Variants in ASB7 observed in about 807,000 individuals in gnomAD.
ASB7 encodes ankyrin repeat and SOCS box protein 7.
A neutral mutation model predicts 32.5 loss-of-function variants in ASB7; 4 were observed. That is an observed-to-expected ratio of 0.12 (90% CI 0.06 to 0.28). The LOEUF (loss-of-function observed/expected upper bound fraction) is 0.28. Ranked by LOEUF, ASB7 falls within the 10% of genes least tolerant of loss-of-function variation. The pLI is 1.00. For missense variants in ASB7, 181 were observed against 407.1 expected, an observed-to-expected ratio of 0.44 and a Z score of 4.78; for synonymous variants, 172 against 155.6, an observed-to-expected ratio of 1.11 and a Z score of -0.78.
At chr15:100,623,831 G>T (rs2039813391) in intron 4 of ASB7, among the ~76,000 whole-genome samples, 1 of 152,186 alleles carries the variant, frequency 6.6e-6, no homozygotes. Context: ...TAATCCAGCA[G>T]TCCCACTACT....
chr15:100,630,121 TA>T, intron 5 of ASB7, 79 bp downstream of exon 5: 1 of 1,424,946 alleles, frequency 7.0e-7, no homozygotes, highest in Non-Finnish European at 9.2e-7. Flanking sequence ...TTTTGCAACT[TA>T]AGATGACTAG....
intron 2 of ASB7, among the ~76,000 whole-genome samples, chr15:100,604,070 A>C (rs1161272979): frequency 2.0e-5 from 3 of 152,220 alleles, no homozygotes; most frequent in African/African-American, 7.2e-5. Flanking sequence ...ACAATATCTT[A>C]TTAATCGTTT....
intron 4 of ASB7, 81 bp downstream of exon 4, chr15:100,612,508 T>G: frequency 1.6e-6 from 2 of 1,287,998 alleles, no homozygotes; most frequent in Non-Finnish European, 2.3e-6. Context: ...ATTTGTAATT[T>G]TTAATGCTTC....
intron 4 of ASB7, among the ~76,000 whole-genome samples, chr15:100,619,228 G>A (rs554853539): frequency 6.6e-6 from 1 of 152,350 alleles, no homozygotes; most frequent in South Asian, 2.1e-4. Flanking sequence ...CAACTCAGGG[G>A]GCACTGCGTG....
chr15:100,614,815 A>C (rs193295285), intron 4 of ASB7, among the ~76,000 whole-genome samples: 58 of 151,134 alleles, frequency 3.8e-4, no homozygotes, highest in Middle Eastern at 6.9e-3. Context: ...GTTAGGCTGT[A>C]TTCAAAGCTG....
intron 2 of ASB7, among the ~76,000 whole-genome samples, chr15:100,605,386 G>A (rs561733770): frequency 7.2e-5 from 11 of 152,130 alleles, no homozygotes; most frequent in Non-Finnish European, 1.3e-4. Flanking sequence ...ACCAAATATA[G>A]ATTTATAATC....
chr15:100,629,963 A>G lies in ASB7; in HGVS notation c.738A>G (p.Glu246=). The change falls in exon 5 of 6, where the codon GAA becomes GAG. Residue 246 remains glutamate (E), a synonymous_variant. Coordinates refer to ENST00000332783, the MANE Select transcript of ASB7 (RefSeq NM_198243.3). This position sits in a 1 kb window ranked among gnomAD's most constrained non-coding sequence, Gnocchi z 6.8. Reference sequence around the variant, plus strand: ...CAGACACGAACACACGGAACTATGAAGGACAGACCCCATTGGCTGTTTCAA... The same window carrying G: ...CAGACACGAACACACGGAACTATGAGGGACAGACCCCATTGGCTGTTTCAA... ...YGADTNTRNY[E]GQTPLAVSIS... is the part of the protein sequence containing the mutation. 5 of 1,614,200 alleles carry G rather than the reference A, an allele frequency of 3.1e-6. No homozygotes were observed. The highest frequency in any genetic ancestry group is 4.2e-6 in the Non-Finnish European group (5 of 1,180,016).
At chr15:100,635,370 G>GT (rs1372425283) in intron 5 of ASB7, among the ~76,000 whole-genome samples, 5 of 152,208 alleles carry the variant, frequency 3.3e-5, no homozygotes, top group South Asian at 2.1e-4. Flanking sequence ...TCCAGACTGT[G>GT]TTTTTTTCTT....
chr15:100,633,630 AAAGGAAGGAAAGGAAG>A (rs1376856810), intron 5 of ASB7, among the ~76,000 whole-genome samples: 2 of 150,810 alleles, frequency 1.3e-5, no homozygotes, highest in Non-Finnish European at 3.0e-5. Context: ...AGAAAGGAAG[AAAGGAAGGAAAGGAAG>A]AAGGAAGGAG....
chr15:100,618,902 A>G (rs982856796), intron 4 of ASB7, among the ~76,000 whole-genome samples: 4 of 152,186 alleles, frequency 2.6e-5, no homozygotes, highest in African/African-American at 9.7e-5. Context: ...CTCTTTTAGG[A>G]TAATAAGTAT....
At chr15:100,643,864 C>T (rs907442704) in intron 5 of ASB7, among the ~76,000 whole-genome samples, 2 of 151,996 alleles carry the variant, frequency 1.3e-5, no homozygotes, top group Non-Finnish European at 2.9e-5. Context: ...TTGGATGATA[C>T]GTTTTCATTT....
At chr15:100,638,426 C>G (rs1024603553) in intron 5 of ASB7, 3 of 152,182 alleles carry the variant, frequency 2.0e-5, no homozygotes, top group Admixed American at 6.5e-5. Context: ...CCTCTTTCCT[C>G]CCTTCTCACT....
chr15:100,602,861 G>C lies in ASB7; in HGVS notation c.-458G>C, dbSNP rs1026299069. 2.5e-6 allele frequency: 1 copy of C among 394,776 alleles called. No homozygotes were observed. Among genetic ancestry groups the C allele is most frequent in the Non-Finnish European group, 4.5e-6 (1 of 224,172 alleles). The allele number at this position is 394,776 out of a possible 1,614,324, so 24.5% of individuals were successfully genotyped here. On this transcript the variant is annotated 5_prime_UTR_variant, in exon 1 of 6. Transcript: ENST00000332783. ...CTGCACCTCTGCCCCAAGGCTGCCC[G>C]GCGGCCGGGATCGCCACCTCCTGCC...
At chr15:100,631,436 GCTT>G (rs1053547104) in intron 5 of ASB7, among the ~76,000 whole-genome samples, 2 of 152,224 alleles carry the variant, frequency 1.3e-5, no homozygotes, top group South Asian at 2.1e-4. Context: ...ATTGCAGAAA[GCTT>G]CTGAGACACA....
intron 4 of ASB7, among the ~76,000 whole-genome samples, chr15:100,627,802 G>C (rs933570572): frequency 1.3e-5 from 2 of 152,198 alleles, no homozygotes; most frequent in Non-Finnish European, 2.9e-5. Flanking sequence ...TGACTGGCCA[G>C]GTATAGATTA....
chr15:100,646,300 T>C (rs773700409), intron 5 of ASB7: 24 of 391,518 alleles, frequency 6.1e-5, no homozygotes, highest in Non-Finnish European at 1.1e-4. Context: ...AGAAGTCTCA[T>C]CATAAGAACC....
intron 4 of ASB7, among the ~76,000 whole-genome samples, chr15:100,628,650 C>T (rs2039860493): frequency 6.6e-6 from 1 of 152,098 alleles, no homozygotes; most frequent in Admixed American, 6.5e-5. Context: ...GATCTGAGGC[C>T]AGTGACAAAA....
chr15:100,603,073 G>A (rs924270026), intron 1 of ASB7, 27 bp downstream of exon 1: 2 of 399,102 alleles, frequency 5.0e-6, no homozygotes, highest in Non-Finnish European at 8.8e-6. Flanking sequence ...CCCCCGAGGG[G>A]AAGAGTGCTG....
At chr15:100,634,922 G>A (rs1382236367) in intron 5 of ASB7, among the ~76,000 whole-genome samples, 2 of 152,208 alleles carry the variant, frequency 1.3e-5, no homozygotes, top group Non-Finnish European at 2.9e-5. Context: ...TAAACAGGAT[G>A]GCTCCCTCCT....
Sources: allele counts gnomAD v4.1 joint callset (sites outside exome capture counted in the v4.1 genomes callset), GRCh38; gene constraint gnomAD v4.1.1; non-coding constraint Gnocchi (gnomAD v3.1); transcripts MANE v1.5; gene names NCBI Gene and HGNC (gene_info 2026-07-23, HGNC 2026-07-21).